The following HACD2 variants were observed in gnomAD, a reference collection of about 807,000 sequenced individuals.
The protein encoded by HACD2 is very-long-chain (3R)-3-hydroxyacyl-CoA dehydratase 2.
HACD2 carries 15 observed loss-of-function variants against 31.0 expected under a neutral mutation model. The observed-to-expected ratio is 0.48, with a 90% CI of 0.32 to 0.75. The LOEUF (loss-of-function observed/expected upper bound fraction) is 0.75. HACD2 is among the 30% of genes least tolerant of loss of function. The pLI is 0.03. For missense variants in HACD2, 283 were observed against 313.0 expected (o/e 0.90, Z 0.72); for synonymous variants, 115 against 122.2 (o/e 0.94, Z 0.39).
At chr3:123,565,759 T>G (rs1018758500) in intron 3 of HACD2, among the ~76,000 whole-genome samples, 1 of 152,166 alleles carries the variant, frequency 6.6e-6, no homozygotes, top group Non-Finnish European at 1.5e-5. Flanking sequence ...CCTGAGAGGT[T>G]CCAGAACTCT....
chr3:123,545,207 C>A (rs1264636863), intron 3 of HACD2, among the ~76,000 whole-genome samples: 1 of 147,794 alleles, frequency 6.8e-6, no homozygotes. Context: ...TTTGGTCAGG[C>A]GCAGTGGCTC....
In HACD2 at chr3:123,495,243, C is replaced by T. The variant is rs149735831; in HGVS notation, c.683-273G>A. On this transcript the variant is annotated intron_variant, in intron 6 of 6. Transcript: ENST00000383657. ...GACCTATATCGATGCCACAGAACAG[C>T]CAAATAATATTCTGTACGCTCATTC... Among the ~76,000 whole-genome samples the T allele has an allele frequency of 5.3e-3, 801 of 152,272 alleles. 9 individuals are homozygous for T. The highest frequency in any genetic ancestry group is 0.019 in the African/African-American group (776 of 41,546).
At chr3:123,544,287 C>T (rs569664440) in intron 3 of HACD2, among the ~76,000 whole-genome samples, 29 of 152,222 alleles carry the variant, frequency 1.9e-4, no homozygotes, top group East Asian at 1.5e-3. Flanking sequence ...AATTATAGCC[C>T]GCACCTAACA....
chr3:123,493,868 A>T lies in HACD2; in HGVS notation c.*1020T>A, dbSNP rs1229300826. 1.3e-5 allele frequency: 2 copies of T among 152,254 alleles called. No homozygotes were observed. Among genetic ancestry groups the T allele is most frequent in the African/African-American group, 4.8e-5 (2 of 41,480 alleles). 9.4% of individuals were successfully genotyped at this position (152,254 alleles called of 1,614,324 possible). Reference sequence around the variant, plus strand: ...AGGAAGTTAATTAGCAAAAGTATCCAAACAGAAGAGTGAATGAAAATTTAA... The same window carrying T: ...AGGAAGTTAATTAGCAAAAGTATCCTAACAGAAGAGTGAATGAAAATTTAA... On this transcript the variant is annotated 3_prime_UTR_variant, in exon 7 of 7. Transcript: ENST00000383657.
intron 5 of HACD2, among the ~76,000 whole-genome samples, chr3:123,501,043 C>T (rs1031707617): frequency 6.6e-6 from 1 of 152,008 alleles, no homozygotes; most frequent in African/African-American, 2.4e-5. Context: ...ACGGGTCCTG[C>T]CCTGTGGGTC....
intron 6 of HACD2, chr3:123,499,315 C>T (rs745388491): frequency 1.8e-5 from 3 of 169,868 alleles, no homozygotes; most frequent in Non-Finnish European, 3.8e-5. Context: ...ATTTTTATTA[C>T]TTAGTAGTTT....
Position 123,515,715 on chromosome 3 carries a change from T to C in HACD2, c.381+12671A>G, listed in dbSNP as rs74202551. On this transcript the variant is annotated intron_variant, in intron 4 of 6. Coordinates refer to ENST00000383657, the MANE Select transcript of HACD2 (RefSeq NM_198402.5). ...AATGTAATAGTAATAGATACACACATGGTGGTTTAAAAAAAAAAGATATTT... is the reference window on the plus strand; with the variant it reads ...AATGTAATAGTAATAGATACACACACGGTGGTTTAAAAAAAAAAGATATTT... 0.024 allele frequency among the ~76,000 whole-genome samples: 3,606 copies of C among 152,190 alleles called. 230 individuals carry two copies. The East Asian group carries it at 0.25, about 11-fold the overall frequency.
chr3:123,562,172 A>T (rs2056736495), intron 3 of HACD2, among the ~76,000 whole-genome samples: 1 of 152,210 alleles, frequency 6.6e-6, no homozygotes, highest in South Asian at 2.1e-4. Flanking sequence ...AAGCTTTGCA[A>T]ATCTTAGATT....
At chr3:123,565,003 T>C (rs1441033637) in intron 3 of HACD2, among the ~76,000 whole-genome samples, 1 of 152,136 alleles carries the variant, frequency 6.6e-6, no homozygotes, top group African/African-American at 2.4e-5. Flanking sequence ...GTCCTCAGGA[T>C]GGACTATACC....
At chr3:123,507,745 A>C (rs1227246287) in intron 4 of HACD2, among the ~76,000 whole-genome samples, 1 of 152,172 alleles carries the variant, frequency 6.6e-6, no homozygotes, top group Non-Finnish European at 1.5e-5. Context: ...AATAAAAAAA[A>C]ATTTAAAAAA....
At chr3:123,536,938 C>G (rs897420142) in intron 3 of HACD2, among the ~76,000 whole-genome samples, 20 of 152,258 alleles carry the variant, frequency 1.3e-4, no homozygotes, top group Admixed American at 6.5e-5. Context: ...TTGAGAAACA[C>G]AAGCTGTCAG....
chr3:123,502,612 A>C lies in HACD2; in HGVS notation c.451T>G (p.Phe151Val). 1 of 1,610,104 alleles carries C rather than the reference A, an allele frequency of 6.2e-7. No homozygotes were observed. The highest frequency in any genetic ancestry group is 8.5e-7 in the Non-Finnish European group (1 of 1,178,146). ...WTITEIIRYS[F>V]YTFSLLNHLP... is the part of the protein sequence containing the mutation. ...TGGTTTAATAGACTGAATGTATAAA[A>C]GGAGTAACGGATGATTTCCGTGATC... Residue 151 changes from phenylalanine (F) to valine (V), a missense_variant, in exon 5 of 7, where the codon TTT (phenylalanine) becomes GTT (valine). By Grantham distance (50) the Phe-to-Val change is conservative (BLOSUM62 -1). Transcript: ENST00000383657.
At chr3:123,573,081 A>C (rs78155384) in intron 2 of HACD2, among the ~76,000 whole-genome samples, 139 of 152,304 alleles carry the variant, frequency 9.1e-4, no homozygotes, top group African/African-American at 3.1e-3. Flanking sequence ...TGTCCACGAC[A>C]CTTGTTTTAC....
At chr3:123,528,617 TAA>T (rs1401320433) in intron 3 of HACD2, 143 bp from the exon 4 acceptor site, 6 of 599,698 alleles carry the variant, frequency 1.0e-5, no homozygotes, top group South Asian at 2.2e-5. Flanking sequence ...TTACACAGAC[TAA>T]GTTTTCAATG....
At chr3:123,509,683 T>G (rs1173695397) in intron 4 of HACD2, among the ~76,000 whole-genome samples, 15 of 151,908 alleles carry the variant, frequency 9.9e-5, no homozygotes, top group Admixed American at 9.8e-4. Flanking sequence ...GTATTTTTAG[T>G]AGAGATGGGG....
At chr3:123,552,788 AAAAG>A (rs1160292475) in intron 3 of HACD2, among the ~76,000 whole-genome samples, 2 of 152,186 alleles carry the variant, frequency 1.3e-5, no homozygotes, top group African/African-American at 4.8e-5. Context: ...TTCAGTAAAA[AAAAG>A]AAAAAGATAA....
intron 3 of HACD2, among the ~76,000 whole-genome samples, chr3:123,541,890 T>A (rs1318705875): frequency 1.3e-5 from 2 of 152,114 alleles, no homozygotes; most frequent in African/African-American, 4.8e-5. Flanking sequence ...ATATAAAGAA[T>A]ACATCCCAGC....
At chr3:123,543,029 T>G (rs2056512732) in intron 3 of HACD2, among the ~76,000 whole-genome samples, 1 of 152,230 alleles carries the variant, frequency 6.6e-6, no homozygotes, top group South Asian at 2.1e-4. Flanking sequence ...TATACGTCAG[T>G]ATTAGTGCCT....
At chr3:123,559,837 C>T (rs138388101) in intron 3 of HACD2, among the ~76,000 whole-genome samples, 35 of 152,302 alleles carry the variant, frequency 2.3e-4, no homozygotes, top group Middle Eastern at 3.4e-3. Flanking sequence ...CAGAAATCCT[C>T]GGGGACTGTT....
Sources: gnomAD v4.1 joint callset for allele counts (sites outside exome capture counted in the v4.1 genomes callset) on GRCh38, gnomAD v4.1.1 for gene constraint, MANE v1.5 for transcripts, NCBI Gene and HGNC (gene_info 2026-07-23, HGNC 2026-07-21) for gene names.